The following SHISA2 variants were observed in gnomAD, a reference collection of about 807,000 sequenced individuals.
SHISA2 encodes the protein shisa family member 2.
A neutral mutation model predicts 23.8 loss-of-function variants in SHISA2; 16 were observed. The ratio of observed to expected loss-of-function variants is 0.67; its 90% CI spans 0.46 to 1.02. The LOEUF is 1.02. Ranked by LOEUF, SHISA2 falls within the 50% of genes least tolerant of loss-of-function variation. The pLI is 0.00. For missense variants in SHISA2, 459 were observed against 420.1 expected (o/e 1.09, Z -0.81); for synonymous variants, 201 against 178.6 (o/e 1.13, Z -1.00).
intron 1 of SHISA2, among the ~76,000 whole-genome samples, chr13:26,049,628 T>A (rs1393447530): frequency 6.6e-6 from 1 of 152,122 alleles, no homozygotes. Context: ...GCTAATAAAA[T>A]GCTTGACTGC....
chr13:26,047,669 G>A (rs934596260), intron 1 of SHISA2, among the ~76,000 whole-genome samples: 2 of 152,176 alleles, frequency 1.3e-5, no homozygotes, highest in African/African-American at 2.4e-5. Flanking sequence ...TCAAGGAGGG[G>A]TTTAAAAAAG....
rs749446408 is a variant in SHISA2 at position 26,046,957 on chromosome 13, A to G, written c.444T>C (p.Asp148=). ...CCCRCLRPKQ[D]PQQSRAPGGN... is the part of the protein sequence containing the mutation. ...CCCCTGGGGCTCGGCTCTGCTGGGG[A>G]TCCTGCTTAGGCCGGAGACATCTGC... Residue 148 remains aspartate (D), a synonymous_variant, in exon 2 of 2, where the codon GAT becomes GAC. Coordinates refer to ENST00000319420, the MANE Select transcript of SHISA2 (RefSeq NM_001007538.2). 179 of 1,612,374 alleles carry G rather than the reference A, an allele frequency of 1.1e-4. No homozygotes were observed. The highest frequency in any genetic ancestry group is 1.3e-4 in the Non-Finnish European group (157 of 1,178,960).
Position 26,051,946 on chromosome 13 carries a change from G to A in SHISA2, c.-971C>T, listed in dbSNP as rs4770915. On this transcript the variant is annotated 5_prime_UTR_variant, in exon 1 of 2. Coordinates refer to ENST00000319420, the MANE Select transcript of SHISA2 (RefSeq NM_001007538.2). ...GGAAGTTTCTTTCCTCCGGGCTACG[G>A]GAGAAGCCGAGCGCAGCAGCCGCCC... Among the ~76,000 whole-genome samples the A allele has an allele frequency of 0.21, 32,080 of 150,998 alleles. 3,491 individuals carry two copies. The highest frequency in any genetic ancestry group is 0.35 in the South Asian group (1,683 of 4,774).
intron 1 of SHISA2, among the ~76,000 whole-genome samples, chr13:26,047,274 T>C (rs1957275128): frequency 6.6e-6 from 1 of 152,214 alleles, no homozygotes; most frequent in South Asian, 2.1e-4. Flanking sequence ...CCTACAGGCA[T>C]GGCAGGTCAG....
intron 1 of SHISA2, among the ~76,000 whole-genome samples, chr13:26,047,571 A>G (rs181673871): frequency 2.0e-5 from 3 of 152,276 alleles, no homozygotes; most frequent in African/African-American, 7.2e-5. Context: ...TTCTTTTTTC[A>G]TAAGCAGTTA....
At position 26,046,999 on chromosome 13, in the gene SHISA2, C is replaced by A; in HGVS notation, c.402G>T (p.Leu134=). Residue 134 remains leucine, a synonymous_variant, in exon 2 of 2, where the codon CTG becomes CTT. Transcript: ENST00000319420. Reference sequence around the variant, plus strand: ...GACATCTGCAGCAACAGGCTGCCACCAGGGACCCCAAGATGATAAAGGCGA... The same window carrying A: ...GACATCTGCAGCAACAGGCTGCCACAAGGGACCCCAAGATGATAAAGGCGA... ...VFVAFIILGS[L]VAACCCRCLR... is the part of the protein sequence containing the mutation. 6.3e-7 allele frequency: 1 copy of A among 1,592,734 alleles called. No homozygotes were observed. The highest frequency in any genetic ancestry group is 8.6e-7 in the Non-Finnish European group (1 of 1,167,866).
In SHISA2 at chr13:26,046,756, G is replaced by A. The variant is rs770073695; in HGVS notation, c.645C>T (p.Asn215=). 34 of 1,614,096 alleles carry A rather than the reference G, an allele frequency of 2.1e-5. No individual in the cohort carries two copies. Among genetic ancestry groups the A allele is most frequent in the South Asian group, 4.4e-5 (4 of 91,086 alleles). ...NCCLPEGTMN[N]VYVNMPTNFS... is the part of the protein sequence containing the mutation. ...AATTCGTGGGCATGTTGACATACAC[G>A]TTGTTCATGGTCCCTTCCGGCAAGC... Residue 215 remains asparagine, a synonymous_variant, in exon 2 of 2, where the codon AAC becomes AAT. Transcript: ENST00000319420.
At position 26,050,769 on chromosome 13, in the gene SHISA2, G is replaced by C; in HGVS notation, c.207C>G (p.Ser69Arg). The C allele has an allele frequency of 1.3e-6, 2 of 1,518,404 alleles. No homozygotes were observed. The highest frequency in any genetic ancestry group is 1.8e-6 in the Non-Finnish European group (2 of 1,142,788). The allele number at this position is 1,518,404 out of a possible 1,614,324, so 94.1% of individuals were successfully genotyped here. Reference sequence around the variant, plus strand: ...TGGAGCAGCAGTAGCGCAACGCGCAGCTGCCGCAGCAGATGGTGGCGTCGC... The same window carrying C: ...TGGAGCAGCAGTAGCGCAACGCGCACCTGCCGCAGCAGATGGTGGCGTCGC... ...DGGDATICCG[S>R]CALRYCCSSA... Residue 69 changes from serine (S) to arginine (R), a missense_variant, in exon 1 of 2, where the codon AGC becomes AGG. Ser to Arg is a moderately radical substitution (Grantham distance 110). Transcript: ENST00000319420.
Position 26,046,976 on chromosome 13 carries a change from C to T in SHISA2, c.425G>A (p.Cys142Tyr), listed in dbSNP as rs1957273508. 6.2e-7 allele frequency: 1 copy of T among 1,603,660 alleles called. No homozygotes were observed. Among genetic ancestry groups the T allele is most frequent in the Non-Finnish European group, 8.5e-7 (1 of 1,172,984 alleles). The change falls in exon 2 of 2, where the codon TGT becomes TAT. Residue 142 changes from cysteine (C) to tyrosine (Y), a missense_variant. Physicochemically the swap from Cys to Tyr is radical, Grantham distance 194. Coordinates refer to ENST00000319420, the MANE Select transcript of SHISA2 (RefSeq NM_001007538.2). ...CTGGGGATCCTGCTTAGGCCGGAGA[C>T]ATCTGCAGCAACAGGCTGCCACCAG... ...GSLVAACCCR[C>Y]LRPKQDPQQS...
intron 1 of SHISA2, among the ~76,000 whole-genome samples, chr13:26,047,765 A>C (rs1318072740): frequency 6.6e-6 from 1 of 152,078 alleles, no homozygotes; most frequent in Non-Finnish European, 1.5e-5. Flanking sequence ...GGTGGAGGGA[A>C]GTTATTCCAG....
chr13:26,050,802 G>A lies in SHISA2; in HGVS notation c.174C>T (p.Phe58=). The A allele has an allele frequency of 6.5e-7, 1 of 1,529,062 alleles. No homozygotes were observed. The allele number at this position is 1,529,062 out of a possible 1,614,324, so 94.7% of individuals were successfully genotyped here. The change falls in exon 1 of 2, where the codon TTC becomes TTT. Residue 58 remains phenylalanine (F), a synonymous_variant. Coordinates refer to ENST00000319420, the MANE Select transcript of SHISA2 (RefSeq NM_001007538.2). ...AGCAGATGGTGGCGTCGCCGCCGTC[G>A]AAGCGCTCGGGACACTGGAAGCCGA... The part of the protein sequence containing the change: ...WRIGFQCPER[F]DGGDATICCG...
chr13:26,046,489 A>C lies in SHISA2; in HGVS notation c.*24T>G, dbSNP rs745692161. ...CCCCTGCCTTCGTCTCCCTTCAGTAAAGGAACCCACCAGTGACTCTCGGTT... is the reference window on the plus strand; with the variant it reads ...CCCCTGCCTTCGTCTCCCTTCAGTACAGGAACCCACCAGTGACTCTCGGTT... On this transcript the variant is annotated 3_prime_UTR_variant, in exon 2 of 2. Coordinates refer to ENST00000319420, the MANE Select transcript of SHISA2 (RefSeq NM_001007538.2). 3 of 1,560,594 alleles carry C rather than the reference A, an allele frequency of 1.9e-6. No individual in the cohort carries two copies. The highest frequency in any genetic ancestry group is 2.6e-6 in the Non-Finnish European group (3 of 1,148,984).
chr13:26,046,598 C>T lies in SHISA2; in HGVS notation c.803G>A (p.Gly268Asp). ...PMTAVPPFMD[G>D]LQPGYRQIQS... ...AATCTGCCTGTAGCCAGGCTGCAGG[C>T]CGTCCATGAAAGGTGGCACAGCTGT... The change falls in exon 2 of 2, where the codon GGC (glycine) becomes GAC (aspartate). Residue 268 changes from glycine (G) to aspartate (D), a missense_variant. Transcript: ENST00000319420. 6.2e-7 allele frequency: 1 copy of T among 1,614,146 alleles called. No individual in the cohort carries two copies. The highest frequency in any genetic ancestry group is 1.1e-5 in the South Asian group (1 of 91,076).
rs1316452359 is a variant in SHISA2, at chr13:26,045,622, C to G, written c.*891G>C. On this transcript the variant is annotated 3_prime_UTR_variant, in exon 2 of 2. Coordinates refer to ENST00000319420, the MANE Select transcript of SHISA2 (RefSeq NM_001007538.2). ...GGTAAAAAAGCACAAAATAGGCCCC[C>G]AAAAGCACAAAAATAGACAAAATAT... 6.6e-6 allele frequency: 1 copy of G among 152,028 alleles called. No homozygotes were observed. The highest frequency in any genetic ancestry group is 6.6e-5 in the Admixed American group (1 of 15,264). 9.4% of individuals were successfully genotyped at this position (152,028 alleles called of 1,614,324 possible).
chr13:26,044,864 TAAGTA>T lies in SHISA2; in HGVS notation c.*1644_*1648del, dbSNP rs1388335450. On this transcript the variant is annotated 3_prime_UTR_variant, in exon 2 of 2. Transcript: ENST00000319420. The stretch of plus-strand genomic sequence containing the variant: ...ATCCTTAAAGTTATCTTTTTTTATA[TAAGTA>T]AAGAACACACAAATAAATTCACTTG... 1.3e-5 allele frequency: 2 copies of T among 152,198 alleles called. No homozygotes were observed. Among genetic ancestry groups the T allele is most frequent in the African/African-American group, 4.8e-5 (2 of 41,438 alleles). 9.4% of individuals were successfully genotyped at this position (152,198 alleles called of 1,614,324 possible).
Position 26,051,093 on chromosome 13 carries a change from G to T in SHISA2, c.-118C>A. The T allele has an allele frequency of 1.1e-6, 1 of 940,442 alleles. No homozygotes were observed. Among genetic ancestry groups the T allele is most frequent in the Non-Finnish European group, 1.5e-6 (1 of 673,680 alleles). The allele number at this position is 940,442 out of a possible 1,614,324, so 58.3% of individuals were successfully genotyped here. On this transcript the variant is annotated 5_prime_UTR_variant, in exon 1 of 2. Coordinates refer to ENST00000319420, the MANE Select transcript of SHISA2 (RefSeq NM_001007538.2). ...GACTGTCCCGCGGCGCTTTCCGCGC[G>T]GGCCACTCCCCTCTGCCGCGACGCC... is the stretch of plus-strand genomic sequence containing the variant.
At position 26,051,602 on chromosome 13, in the gene SHISA2, C is replaced by T. The variant is rs1957305130; in HGVS notation, c.-627G>A. On this transcript the variant is annotated 5_prime_UTR_variant, in exon 1 of 2. Coordinates refer to ENST00000319420, the MANE Select transcript of SHISA2 (RefSeq NM_001007538.2). ...CCCGGGCAGCCCACGGGGGTGCAGC[C>T]CCGACGCTCCACTCGGCGGGGCCGA... Among the ~76,000 whole-genome samples the T allele has an allele frequency of 6.6e-6, 1 of 152,074 alleles. No homozygotes were observed. Among genetic ancestry groups the T allele is most frequent in the African/African-American group, 2.4e-5 (1 of 41,426 alleles).
chr13:26,050,981 C>T lies in SHISA2; in HGVS notation c.-6G>A, dbSNP rs908009938. On this transcript the variant is annotated 5_prime_UTR_variant, in exon 1 of 2. Transcript: ENST00000319420. ...GAGCGGCGAGCGCCCCACATGGCAC[C>T]ACCCTGGGCGCGGACAGCGCGTCTC... 1 of 1,498,098 alleles carries T rather than the reference C, an allele frequency of 6.7e-7. No individual in the cohort carries two copies. The highest frequency in any genetic ancestry group is 1.5e-5 in the African/African-American group (1 of 68,734). 92.8% of individuals were successfully genotyped at this position (1,498,098 alleles called of 1,614,324 possible). A position where few individuals can be genotyped will look rare whatever the true frequency, so the allele number is the denominator to read the frequency against.
intron 1 of SHISA2, among the ~76,000 whole-genome samples, chr13:26,049,313 C>T (rs1957285160): frequency 6.6e-6 from 1 of 152,278 alleles, no homozygotes; most frequent in East Asian, 1.9e-4. Context: ...GAAAGAAATA[C>T]AATTTTTAGG....
Sources: gnomAD v4.1 joint callset for allele counts (sites outside exome capture counted in the v4.1 genomes callset) on GRCh38, gnomAD v4.1.1 for gene constraint, MANE v1.5 for transcripts, NCBI Gene and HGNC (gene_info 2026-07-23, HGNC 2026-07-21) for gene names.